Variants in ELP4 observed in about 807,000 individuals in gnomAD.
ELP4 encodes the protein elongator acetyltransferase complex subunit 4, also known as elongator complex protein 4.
ELP4 carries 51 observed loss-of-function variants against 48.9 expected under a neutral mutation model. That is an observed-to-expected ratio of 1.04 (90% CI 0.83 to 1.32). The LOEUF (loss-of-function observed/expected upper bound fraction) is 1.32. ELP4 is among the 40% of genes most tolerant of loss of function. The pLI is 0.00. For synonymous variants in ELP4, 210 were observed against 189.2 expected (o/e 1.11, Z -0.90); for missense variants, 519 against 514.6 (o/e 1.01, Z -0.08).
intron 9 of ELP4, among the ~76,000 whole-genome samples, chr11:31,768,504 A>G (rs901685656): frequency 1.3e-5 from 2 of 152,250 alleles, no homozygotes; most frequent in African/African-American, 4.8e-5. Flanking sequence ...AAAAGCTAAT[A>G]CAATATGACA....
chr11:31,663,892 G>C lies in ELP4; in HGVS notation c.1143+13671G>C, dbSNP rs555892194. The C allele has an allele frequency of 5.3e-5, 8 of 152,106 alleles. No homozygotes were observed. The South Asian group carries it at 1.2e-3, about 24-fold the overall frequency. 9.4% of individuals were successfully genotyped at this position (152,106 alleles called of 1,614,324 possible). A position where few individuals can be genotyped will look rare whatever the true frequency, so the allele number is the denominator to read the frequency against. ...AATAACTGCTTTTATTTAAGCTAAT[G>C]TAAGTTATTGTATTTTAAAATAATT... On this transcript the variant is annotated intron_variant, in intron 9 of 9. Transcript: ENST00000640961.
At chr11:31,783,048 A>G (rs1337968611) in intron 9 of ELP4, among the ~76,000 whole-genome samples, 1 of 152,226 alleles carries the variant, frequency 6.6e-6, no homozygotes, top group African/African-American at 2.4e-5. Context: ...ATCTGCCGTT[A>G]TTTATGCGAT....
At chr11:31,513,410 CATTAATTAAGTAGTTAAGGCT>C (rs1281478837) in intron 1 of ELP4, among the ~76,000 whole-genome samples, 1 of 152,150 alleles carries the variant, frequency 6.6e-6, no homozygotes, top group Non-Finnish European at 1.5e-5. Context: ...TGAGATCCAG[CATTAATTAAGTAGTTAAGGCT>C]ATTACTATGA....
At chr11:31,745,651 T>C (rs1947571996) in intron 9 of ELP4, among the ~76,000 whole-genome samples, 1 of 152,218 alleles carries the variant, frequency 6.6e-6, no homozygotes, top group African/African-American at 2.4e-5. Context: ...AAGGATTCCC[T>C]ATTTAATAAA....
intron 5 of ELP4, among the ~76,000 whole-genome samples, chr11:31,625,707 T>A (rs1944729488): frequency 6.6e-6 from 1 of 151,850 alleles, no homozygotes; most frequent in African/African-American, 2.4e-5. Context: ...TGGCTGGAAT[T>A]CATTTCATAA....
At chr11:31,571,009 AGGCT>A (rs1177971777) in intron 3 of ELP4, among the ~76,000 whole-genome samples, 1 of 151,854 alleles carries the variant, frequency 6.6e-6, no homozygotes, top group Non-Finnish European at 1.5e-5. Context: ...CATATTGGCC[AGGCT>A]GGTCTCAAAC....
At chr11:31,553,352 T>G (rs1432683476) in intron 3 of ELP4, among the ~76,000 whole-genome samples, 2 of 152,146 alleles carry the variant, frequency 1.3e-5, no homozygotes, top group Non-Finnish European at 2.9e-5. Flanking sequence ...TTTGGTAGAC[T>G]GAGTAAAGTA....
chr11:31,672,283 A>C (rs1241250014), intron 9 of ELP4, among the ~76,000 whole-genome samples: 6 of 152,190 alleles, frequency 3.9e-5, no homozygotes, highest in Non-Finnish European at 8.8e-5. Context: ...CTGTTGCAGA[A>C]GTTTGTAAGA....
chr11:31,713,884 A>G (rs940145408), intron 9 of ELP4, among the ~76,000 whole-genome samples: 5 of 152,222 alleles, frequency 3.3e-5, no homozygotes, highest in Admixed American at 2.0e-4. Flanking sequence ...CAAACCTGCA[A>G]TATAATGATT....
At chr11:31,543,299 TTTG>T (rs900296609) in intron 3 of ELP4, among the ~76,000 whole-genome samples, 3 of 152,020 alleles carry the variant, frequency 2.0e-5, no homozygotes, top group South Asian at 4.2e-4. Context: ...AACTCCAAGT[TTTG>T]TTGTTGTTGT....
At chr11:31,533,214 A>T (rs1956429029) in intron 2 of ELP4, among the ~76,000 whole-genome samples, 2 of 152,006 alleles carry the variant, frequency 1.3e-5, no homozygotes. Flanking sequence ...CACCTTTTGT[A>T]GTCTCCACTG....
At chr11:31,730,604 A>G (rs564530801) in intron 9 of ELP4, among the ~76,000 whole-genome samples, 1 of 152,158 alleles carries the variant, frequency 6.6e-6, no homozygotes, top group South Asian at 2.1e-4. Context: ...CTTCTGTGTC[A>G]TCTCTCTCAG....
intron 4 of ELP4, among the ~76,000 whole-genome samples, chr11:31,596,930 A>C (rs1265834604): frequency 6.6e-6 from 1 of 152,166 alleles, no homozygotes; most frequent in East Asian, 1.9e-4. Context: ...AGAGAAATTC[A>C]AATGAAAACT....
chr11:31,736,412 A>G (rs967263710), intron 9 of ELP4, among the ~76,000 whole-genome samples: 5 of 152,200 alleles, frequency 3.3e-5, no homozygotes, highest in Non-Finnish European at 5.9e-5. Context: ...GGACATAGGC[A>G]TGGGCAAGGA....
intron 5 of ELP4, among the ~76,000 whole-genome samples, chr11:31,604,323 A>G (rs1383615241): frequency 6.6e-6 from 1 of 151,860 alleles, no homozygotes; most frequent in Non-Finnish European, 1.5e-5. Flanking sequence ...TTTGGCATAT[A>G]CTTTTTCAGA....
At chr11:31,529,875 C>G (rs1422143708) in intron 2 of ELP4, among the ~76,000 whole-genome samples, 1 of 152,120 alleles carries the variant, frequency 6.6e-6, no homozygotes, top group Non-Finnish European at 1.5e-5. Flanking sequence ...GTACCACCCA[C>G]AAACCACACT....
chr11:31,721,161 C>G lies in ELP4; in HGVS notation c.1144-62232C>G, dbSNP rs976781805. Among the ~76,000 whole-genome samples the G allele has an allele frequency of 3.9e-5, 6 of 152,138 alleles. No individual in the cohort carries two copies. In the East Asian group the frequency reaches 1.2e-3, roughly 29 times the overall value. On this transcript the variant is annotated intron_variant, in intron 9 of 9. Transcript: ENST00000640961. ...TTTTTTTGATTGTGTGGTTGAATGC[C>G]ATCCCTGGAAAGATGTACTTTTGAG... is the stretch of plus-strand genomic sequence containing the variant.
intron 2 of ELP4, among the ~76,000 whole-genome samples, chr11:31,521,322 G>A (rs1338812884): frequency 6.6e-6 from 1 of 151,450 alleles, no homozygotes; most frequent in Admixed American, 6.6e-5. Context: ...AACCTCAGAA[G>A]ATACTAAATA....
rs1948477160 is a variant in ELP4, at chr11:31,784,804, CT to C, written c.*1284del. ...TAGCATAAACACATACTGTATACAG[CT>C]TTTATTCAGAATTAGAATAATTGAA... On this transcript the variant is annotated 3_prime_UTR_variant, in exon 10 of 10. Transcript: ENST00000640961. 5.7e-6 allele frequency: 1 copy of C among 174,380 alleles called. No homozygotes were observed. The highest frequency in any genetic ancestry group is 2.0e-4 in the South Asian group (1 of 5,020). 10.8% of individuals were successfully genotyped at this position (174,380 alleles called of 1,614,324 possible).
Sources: allele counts gnomAD v4.1 joint callset (sites outside exome capture counted in the v4.1 genomes callset), GRCh38; gene constraint gnomAD v4.1.1; transcripts MANE v1.5; gene names NCBI Gene and HGNC (gene_info 2026-07-23, HGNC 2026-07-21).